Variants in NPAS3 observed in about 807,000 individuals in gnomAD.
The protein encoded by NPAS3 is neuronal PAS domain-containing protein 3.
NPAS3 carries 14 observed loss-of-function variants against 73.1 expected under a neutral mutation model. The ratio of observed to expected loss-of-function variants is 0.19; its 90% CI spans 0.13 to 0.30. The LOEUF is 0.30. Among genes scored for constraint, NPAS3 ranks in the 10% least tolerant of loss-of-function variants. The pLI, the probability that NPAS3 is intolerant of heterozygous loss-of-function variation, is 1.00. For missense variants in NPAS3, 1,096 were observed against 1,250.0 expected, an observed-to-expected ratio of 0.88 and a Z score of 1.86; for synonymous variants, 620 against 541.5, an observed-to-expected ratio of 1.14 and a Z score of -2.01.
chr14:33,069,955 T>A (rs1483245488), intron 2 of NPAS3, among the ~76,000 whole-genome samples: 1 of 152,200 alleles, frequency 6.6e-6, no homozygotes, highest in Non-Finnish European at 1.5e-5. Flanking sequence ...GTGCCTCTTT[T>A]TGAAGGTGGA....
At chr14:33,466,209 C>T (rs17091736) in intron 4 of NPAS3, among the ~76,000 whole-genome samples, 5,458 of 152,106 alleles carry the variant, frequency 0.036, 298 homozygotes, top group African/African-American at 0.12. Context: ...GGGTGTGAAA[C>T]CTGGTAAAGG....
chr14:32,968,177 C>G (rs1490044034), intron 1 of NPAS3, among the ~76,000 whole-genome samples: 1 of 151,960 alleles, frequency 6.6e-6, no homozygotes, highest in Non-Finnish European at 1.5e-5. Flanking sequence ...AGTAGGATGA[C>G]TACAGTCAAT....
At chr14:33,538,814 C>T (rs921099996) in intron 4 of NPAS3, among the ~76,000 whole-genome samples, 5 of 152,088 alleles carry the variant, frequency 3.3e-5, no homozygotes, top group African/African-American at 9.7e-5. Flanking sequence ...AGCACAAGTA[C>T]TCATAATAAT....
chr14:33,560,589 G>T (rs2055594635), intron 5 of NPAS3, among the ~76,000 whole-genome samples: 1 of 152,080 alleles, frequency 6.6e-6, no homozygotes, highest in African/African-American at 2.4e-5. Flanking sequence ...CATTATCCTG[G>T]GAGCTGACAC....
At chr14:33,529,598 T>A (rs2053952566) in intron 4 of NPAS3, among the ~76,000 whole-genome samples, 1 of 152,200 alleles carries the variant, frequency 6.6e-6, no homozygotes, top group East Asian at 1.9e-4. Context: ...GTAATGGGCA[T>A]CCTAAAGAGA....
At position 33,038,419 on chromosome 14, in the gene NPAS3, AAAAC is replaced by A. The variant is rs542473436; in HGVS notation, c.51-17474_51-17471del. On this transcript the variant is annotated intron_variant, in intron 1 of 11. Transcript: ENST00000356141. ...TTCTAATATAATCTTGGTTTTCTGA[AAAAC>A]AAACAAACAAAAAAACAAATATTTC... Among the ~76,000 whole-genome samples the A allele has an allele frequency of 9.2e-5, 14 of 152,296 alleles. No individual in the cohort carries two copies. The South Asian group carries it at 2.3e-3, about 25-fold the overall frequency.
chr14:33,741,533 A>T lies in NPAS3; in HGVS notation c.852+6201A>T, dbSNP rs1264746400. On this transcript the variant is annotated intron_variant, in intron 7 of 11. Transcript: ENST00000356141. ...TTTTACCTCGTTTTAGTCTCTGCTGACCTCTGCACAATTGTCCATTACAAC... is the reference window on the plus strand; with the variant it reads ...TTTTACCTCGTTTTAGTCTCTGCTGTCCTCTGCACAATTGTCCATTACAAC... 4.6e-5 allele frequency among the ~76,000 whole-genome samples: 7 copies of T among 152,132 alleles called. No homozygotes were observed. The East Asian group carries it at 1.4e-3, about 29-fold the overall frequency.
intron 4 of NPAS3, among the ~76,000 whole-genome samples, chr14:33,498,926 CAG>C (rs146814243): frequency 0.028 from 3,169 of 113,350 alleles, 74 homozygotes; most frequent in South Asian, 0.079. Context: ...GAGAGAGAGA[CAG>C]AGAGAGAGTG....
intron 3 of NPAS3, among the ~76,000 whole-genome samples, chr14:33,347,065 C>A (rs2044773501): frequency 6.6e-6 from 1 of 152,178 alleles, no homozygotes; most frequent in Non-Finnish European, 1.5e-5. Flanking sequence ...CTCAAAAATG[C>A]TCTTTTCCTC....
At chr14:33,056,123 A>G (rs1323923446) in intron 2 of NPAS3, 129 bp downstream of exon 2, 1 of 528,916 alleles carries the variant, frequency 1.9e-6, no homozygotes, top group East Asian at 3.1e-5. Flanking sequence ...AAAAAAAACA[A>G]AAAAACAAAC....
intron 7 of NPAS3, among the ~76,000 whole-genome samples, chr14:33,736,489 C>G (rs927016966): frequency 1.3e-5 from 2 of 152,128 alleles, no homozygotes; most frequent in East Asian, 3.8e-4. Flanking sequence ...TAGCTCTACC[C>G]GATAGAGGCT....
chr14:33,626,525 A>G (rs1335837882), intron 5 of NPAS3, among the ~76,000 whole-genome samples: 1 of 152,212 alleles, frequency 6.6e-6, no homozygotes, highest in East Asian at 1.9e-4. Context: ...AACGTAGACT[A>G]TTGGGCCATC....
intron 1 of NPAS3, among the ~76,000 whole-genome samples, chr14:33,017,168 G>T (rs1472539095): frequency 1.3e-5 from 2 of 152,124 alleles, no homozygotes; most frequent in Admixed American, 1.3e-4. Context: ...AAAGAGGAGA[G>T]ATGAGCCAAT....
chr14:32,934,822 C>A, upstream of NPAS3: 1 of 364,792 alleles, frequency 2.7e-6, no homozygotes, highest in Non-Finnish European at 3.8e-6. The surrounding 1 kb of genome is among the most constrained non-coding windows in gnomAD (Gnocchi z 4.1). Context: ...AGAGCCGCCG[C>A]GCCCGGGGGC....
chr14:33,329,647 A>G (rs959842192), intron 3 of NPAS3, among the ~76,000 whole-genome samples: 3 of 152,064 alleles, frequency 2.0e-5, no homozygotes, highest in Non-Finnish European at 4.4e-5. Flanking sequence ...AGGCAGGGGC[A>G]CGATGGGGTA....
chr14:33,289,576 T>C (rs958905105), intron 3 of NPAS3, among the ~76,000 whole-genome samples: 1 of 152,114 alleles, frequency 6.6e-6, no homozygotes, highest in Non-Finnish European at 1.5e-5. Context: ...ATCCCAGTAC[T>C]TTGGGAGGCT....
At chr14:33,144,291 T>G (rs1487524738) in intron 2 of NPAS3, among the ~76,000 whole-genome samples, 2 of 152,236 alleles carry the variant, frequency 1.3e-5, no homozygotes, top group African/African-American at 4.8e-5. Context: ...GTGGTTTTGA[T>G]TTGTGCTTCC....
intron 3 of NPAS3, among the ~76,000 whole-genome samples, chr14:33,303,995 C>T (rs1160077981): frequency 6.6e-6 from 1 of 152,168 alleles, no homozygotes; most frequent in African/African-American, 2.4e-5. Flanking sequence ...GCAAGCTCCA[C>T]CTCCCGGGTT....
At chr14:33,079,609 C>CTTTTTT (rs34920021) in intron 2 of NPAS3, among the ~76,000 whole-genome samples, 6 of 56,044 alleles carry the variant, frequency 1.1e-4, no homozygotes, top group Admixed American at 3.2e-4. Context: ...TGAGCCAGGC[C>CTTTTTT]TTTTTTTTTT....
Sources: gnomAD v4.1 joint callset for allele counts (sites outside exome capture counted in the v4.1 genomes callset) on GRCh38, gnomAD v4.1.1 for gene constraint, Gnocchi (gnomAD v3.1) non-coding constraint, MANE v1.5 for transcripts, NCBI Gene and HGNC (gene_info 2026-07-23, HGNC 2026-07-21) for gene names.